The following PTPN4 variants were observed in gnomAD, a reference collection of about 807,000 sequenced individuals.
The protein encoded by PTPN4 is protein tyrosine phosphatase non-receptor type 4.
Under a neutral mutation model 135.5 loss-of-function variants are expected in PTPN4, and 49 were observed. The observed-to-expected ratio is 0.36, with a 90% CI of 0.29 to 0.46. PTPN4 has a LOEUF of 0.46. Among genes scored for constraint, PTPN4 ranks in the 20% least tolerant of loss-of-function variants. The pLI is 1.00. For missense variants in PTPN4, 860 were observed against 1,101.0 expected, an observed-to-expected ratio of 0.78 and a Z score of 3.10; for synonymous variants, 333 against 369.9, an observed-to-expected ratio of 0.90 and a Z score of 1.14.
intron 26 of PTPN4, among the ~76,000 whole-genome samples, chr2:119,972,766 G>C (rs1380397251): frequency 6.6e-6 from 1 of 152,118 alleles, no homozygotes; most frequent in East Asian, 1.9e-4. Flanking sequence ...CATCCTGAAA[G>C]TGTGTTCAGT....
At chr2:119,876,836 C>T (rs1357012296) in intron 3 of PTPN4, among the ~76,000 whole-genome samples, 1 of 150,138 alleles carries the variant, frequency 6.7e-6, no homozygotes, top group Non-Finnish European at 1.5e-5. Context: ...AAAATTTCTC[C>T]TCAGTGGATT....
chr2:119,916,148 T>C, intron 11 of PTPN4: 1 of 149,548 alleles, frequency 6.7e-6, no homozygotes, highest in African/African-American at 2.5e-5. Context: ...TGCAATGAGC[T>C]ATCATCACAC....
At chr2:119,889,177 T>G (rs1435698827) in intron 9 of PTPN4, among the ~76,000 whole-genome samples, 1 of 152,196 alleles carries the variant, frequency 6.6e-6, no homozygotes, top group East Asian at 1.9e-4. Context: ...CCCAGCACTT[T>G]GGGAGGCCAA....
At position 119,943,580 on chromosome 2, in the gene PTPN4, C is replaced by CTTTTTTTT. The variant is rs70949374; in HGVS notation, c.1356-1485_1356-1478dup. ...AAATCATAAGCTGTTTCATTTTTTTCTTTTTTTTTTTTTTTTTTTTTTTGA... is the reference window on the plus strand; with the variant it reads ...AAATCATAAGCTGTTTCATTTTTTTCTTTTTTTTTTTTTTTTTTTTTTTTTTTTTTTGA... On this transcript the variant is annotated intron_variant, in intron 15 of 26. Coordinates refer to ENST00000263708, the MANE Select transcript of PTPN4 (RefSeq NM_002830.4). Among the ~76,000 whole-genome samples, 120 of 79,908 alleles carry CTTTTTTTT rather than the reference C, an allele frequency of 1.5e-3. 2 individuals carry two copies. Among genetic ancestry groups the CTTTTTTTT allele is most frequent in the Non-Finnish European group, 1.6e-3 (73 of 45,198 alleles). 52.4% of individuals were successfully genotyped at this position (79,908 alleles called of 152,430 possible).
chr2:119,844,644 C>G (rs1677457040), intron 2 of PTPN4, among the ~76,000 whole-genome samples: 1 of 151,562 alleles, frequency 6.6e-6, no homozygotes, highest in South Asian at 2.1e-4. Flanking sequence ...CTCCCCACAT[C>G]TCAGAGGATG....
chr2:119,828,277 G>A (rs567715517), intron 2 of PTPN4, among the ~76,000 whole-genome samples: 1 of 152,340 alleles, frequency 6.6e-6, no homozygotes, highest in South Asian at 2.1e-4. Context: ...ACTATCTGCT[G>A]TCTAACTGTA....
chr2:119,936,819 A>AT (rs1678991297), intron 15 of PTPN4, among the ~76,000 whole-genome samples: 1 of 152,112 alleles, frequency 6.6e-6, no homozygotes, highest in South Asian at 2.1e-4. Context: ...AGAATATAAA[A>AT]TGCTTGGAGC....
intron 9 of PTPN4, among the ~76,000 whole-genome samples, chr2:119,890,030 C>T (rs899765732): frequency 1.3e-5 from 2 of 152,094 alleles, no homozygotes; most frequent in African/African-American, 4.8e-5. Context: ...CTGTTTGGTC[C>T]ATTTGATCTA....
chr2:119,883,128 C>T (rs193092347), intron 8 of PTPN4, among the ~76,000 whole-genome samples: 93 of 152,232 alleles, frequency 6.1e-4, no homozygotes, highest in Non-Finnish European at 1.1e-3. Flanking sequence ...TGAGCACTGA[C>T]ATTACACCAC....
At chr2:119,776,678 G>A (rs937883937) in intron 1 of PTPN4, among the ~76,000 whole-genome samples, 2 of 152,164 alleles carry the variant, frequency 1.3e-5, no homozygotes, top group Admixed American at 6.5e-5. Flanking sequence ...CAGTGAGGAT[G>A]AAGACCTTTG....
intron 24 of PTPN4, 112 bp downstream of exon 24, chr2:119,962,856 T>C (rs1679388683): frequency 4.4e-6 from 4 of 906,920 alleles, no homozygotes; most frequent in Non-Finnish European, 6.1e-6. Context: ...ATAAGAATTA[T>C]TGAATTATTT....
chr2:119,907,489 A>T (rs1486157528), intron 10 of PTPN4, among the ~76,000 whole-genome samples: 1 of 152,120 alleles, frequency 6.6e-6, no homozygotes, highest in African/African-American at 2.4e-5. Flanking sequence ...TTGTAGTCCT[A>T]GCTACTCCGG....
At chr2:119,952,451 A>G (rs1451374932) in intron 19 of PTPN4, among the ~76,000 whole-genome samples, 1 of 152,102 alleles carries the variant, frequency 6.6e-6, no homozygotes, top group Non-Finnish European at 1.5e-5. Flanking sequence ...TATGACTTAT[A>G]CCTATACTTC....
chr2:119,978,141 A>G lies in PTPN4; in HGVS notation c.*1071A>G, dbSNP rs1363991630. The stretch of plus-strand genomic sequence containing the variant: ...GGTTACGGTTTAGCAGCTCAACTTT[A>G]AAAGATGCTTTTATGCTTCAAATTT... On this transcript the variant is annotated 3_prime_UTR_variant, in exon 27 of 27. Transcript: ENST00000263708. The G allele has an allele frequency of 6.6e-6, 1 of 152,176 alleles. No individual in the cohort carries two copies. The highest frequency in any genetic ancestry group is 1.5e-5 in the Non-Finnish European group (1 of 68,024). 9.4% of individuals were successfully genotyped at this position (152,176 alleles called of 1,614,324 possible).
chr2:119,829,321 T>C (rs973994630), intron 2 of PTPN4, among the ~76,000 whole-genome samples: 1 of 152,252 alleles, frequency 6.6e-6, no homozygotes, highest in African/African-American at 2.4e-5. Context: ...TTTTAAAAAT[T>C]GTTGTAAAAT....
At chr2:119,762,618 G>A (rs1294542681) in intron 1 of PTPN4, among the ~76,000 whole-genome samples, 6 of 152,014 alleles carry the variant, frequency 3.9e-5, no homozygotes, top group Admixed American at 2.0e-4. Context: ...AGTTAATATG[G>A]CCACTTTTAA....
intron 12 of PTPN4, among the ~76,000 whole-genome samples, 200 bp from the exon 13 acceptor site, chr2:119,926,398 C>A (rs930219817): frequency 1.7e-4 from 26 of 152,172 alleles, no homozygotes; most frequent in African/African-American, 6.3e-4. Flanking sequence ...CATCTTTCTT[C>A]ATTAATGGGA....
chr2:119,879,417 T>C (rs905315254), intron 5 of PTPN4, among the ~76,000 whole-genome samples: 2 of 152,262 alleles, frequency 1.3e-5, no homozygotes, highest in Non-Finnish European at 2.9e-5. Context: ...TGGAATCTTA[T>C]AACTGGTATT....
rs142887941 is a variant in PTPN4, at chr2:119,965,462, T to G, written c.2410-35T>G. On this transcript the variant is annotated intron_variant, in intron 24 of 26. Coordinates refer to ENST00000263708, the MANE Select transcript of PTPN4 (RefSeq NM_002830.4). ...TTGTAGGGACAATTTCAATAATACA[T>G]AAGTCAAGGTGCATAATTTTTCATT... The G allele has an allele frequency of 3.0e-3, 4,763 of 1,564,294 alleles. 16 individuals carry two copies. Among genetic ancestry groups the G allele is most frequent in the Non-Finnish European group, 3.0e-3 (3,411 of 1,151,516 alleles).
Sources: gnomAD v4.1 joint callset for allele counts (sites outside exome capture counted in the v4.1 genomes callset) on GRCh38, gnomAD v4.1.1 for gene constraint, MANE v1.5 for transcripts, NCBI Gene and HGNC (gene_info 2026-07-23, HGNC 2026-07-21) for gene names.